GRIN2A: variants seen among roughly 807,000 people sequenced by gnomAD.
GRIN2A encodes glutamate receptor ionotropic, NMDA 2A.
In GRIN2A, 22 loss-of-function variants were observed where a neutral mutation model predicts 113.4. That is an observed-to-expected ratio of 0.19 (90% confidence interval 0.14 to 0.28). GRIN2A has a LOEUF of 0.28. GRIN2A is among the 10% of genes least tolerant of loss of function. GRIN2A has a pLI of 1.00. For synonymous variants in GRIN2A, 827 were observed against 738.4 expected, an observed-to-expected ratio of 1.12 and a Z score of -1.94; for missense variants, 1,502 against 1,887.0, an observed-to-expected ratio of 0.80 and a Z score of 3.78.
At chr16:10,107,278 T>C (rs1050509265) in intron 2 of GRIN2A, among the ~76,000 whole-genome samples, 3 of 152,094 alleles carry the variant, frequency 2.0e-5, no homozygotes, top group African/African-American at 4.8e-5. Flanking sequence ...GATATATCCA[T>C]GTAGGAAGAT....
intron 2 of GRIN2A, among the ~76,000 whole-genome samples, chr16:10,116,847 C>T (rs569884326): frequency 2.6e-5 from 4 of 152,200 alleles, no homozygotes; most frequent in African/African-American, 9.6e-5. Context: ...TTATTTATCC[C>T]CTGCCACTTC....
At chr16:9,829,833 T>G (rs1023762829) in intron 8 of GRIN2A, among the ~76,000 whole-genome samples, 181 bp from the exon 9 acceptor site, 5 of 152,176 alleles carry the variant, frequency 3.3e-5, no homozygotes, top group African/African-American at 1.2e-4. Flanking sequence ...AAAATTAGCA[T>G]TCTTCTCACA....
intron 2 of GRIN2A, among the ~76,000 whole-genome samples, chr16:10,004,196 C>A (rs1015165099): frequency 6.6e-6 from 1 of 152,142 alleles, no homozygotes; most frequent in African/African-American, 2.4e-5. Context: ...TGAGACCAGC[C>A]TGGCCAATAT....
chr16:9,906,387 C>T (rs1312839696), intron 3 of GRIN2A, among the ~76,000 whole-genome samples: 1 of 152,200 alleles, frequency 6.6e-6, no homozygotes, highest in African/African-American at 2.4e-5. Flanking sequence ...CTACACCTCC[C>T]TCCACTGGAA....
chr16:9,888,874 C>T (rs2043639002), intron 4 of GRIN2A, among the ~76,000 whole-genome samples: 1 of 151,932 alleles, frequency 6.6e-6, no homozygotes, highest in African/African-American at 2.4e-5. Flanking sequence ...CATATTTCCC[C>T]CTTTACTCTG....
At chr16:10,032,456 T>G (rs2046947554) in intron 2 of GRIN2A, among the ~76,000 whole-genome samples, 1 of 152,180 alleles carries the variant, frequency 6.6e-6, no homozygotes, top group African/African-American at 2.4e-5. Context: ...TGAGTTTCTT[T>G]TAGCGCCTTT....
In GRIN2A at chr16:10,026,501, A is replaced by G. The variant is rs2454869; in HGVS notation, c.415-87950T>C. On this transcript the variant is annotated intron_variant, in intron 2 of 12. Coordinates refer to ENST00000330684, the MANE Select transcript of GRIN2A (RefSeq NM_001134407.3). ...ATATCTCCAGGCCATTAGAGAGAGA[A>G]AAAAGAAAGTCCTTCCTAAATTTAA... 4.7e-3 allele frequency among the ~76,000 whole-genome samples: 696 copies of G among 147,340 alleles called. 1 individual carries two copies. The highest frequency in any genetic ancestry group is 8.1e-3 in the African/African-American group (314 of 38,730).
At position 9,799,875 on chromosome 16, in the gene GRIN2A, T is replaced by C. The variant is rs533720285; in HGVS notation, c.2169-1411A>G. Reference sequence around the variant, plus strand: ...CTTGAAATCACCATGCAGTTCAAAATGTGGAATGTTATCATTTCCTTAGAA... The same window carrying C: ...CTTGAAATCACCATGCAGTTCAAAACGTGGAATGTTATCATTTCCTTAGAA... On this transcript the variant is annotated intron_variant, in intron 10 of 12. Coordinates refer to ENST00000330684, the MANE Select transcript of GRIN2A (RefSeq NM_001134407.3). 3.9e-5 allele frequency among the ~76,000 whole-genome samples: 6 copies of C among 152,316 alleles called. No individual in the cohort carries two copies. In the East Asian group the frequency reaches 1.2e-3, roughly 29 times the overall value.
chr16:9,765,526 G>A (rs1567279755), intron 12 of GRIN2A, among the ~76,000 whole-genome samples: 1 of 152,220 alleles, frequency 6.6e-6, no homozygotes, highest in Admixed American at 6.5e-5. Flanking sequence ...AGGAAGGCAT[G>A]AAATTCATGT....
In GRIN2A at chr16:9,754,943, C is replaced by A. The variant is rs1900295759; in HGVS notation, c.*8206G>T. 9.2e-6 allele frequency: 2 copies of A among 216,794 alleles called. No individual in the cohort carries two copies. The highest frequency in any genetic ancestry group is 4.5e-5 in the African/African-American group (2 of 44,418). The allele number at this position is 216,794 out of a possible 1,614,324, so 13.4% of individuals were successfully genotyped here. ...AGACAAACTCATGTTTGCTGGAGAA[C>A]AATTAACCTCATTAATTTGAAAGGC... On this transcript the variant is annotated 3_prime_UTR_variant, in exon 13 of 13. Coordinates refer to ENST00000330684, the MANE Select transcript of GRIN2A (RefSeq NM_001134407.3).
intron 9 of GRIN2A, among the ~76,000 whole-genome samples, chr16:9,826,663 C>T (rs1261997679): frequency 6.6e-6 from 1 of 151,996 alleles, no homozygotes; most frequent in Non-Finnish European, 1.5e-5. Context: ...GTTATTTACT[C>T]CAGGAATTTT....
intron 2 of GRIN2A, among the ~76,000 whole-genome samples, chr16:10,030,608 C>T (rs2046910460): frequency 2.0e-5 from 3 of 152,206 alleles, no homozygotes; most frequent in Non-Finnish European, 4.4e-5. Context: ...ATGTTTTCTA[C>T]TGCATTCTCT....
chr16:10,173,517 C>T (rs911151943), intron 2 of GRIN2A, among the ~76,000 whole-genome samples: 4 of 152,160 alleles, frequency 2.6e-5, no homozygotes, highest in African/African-American at 9.7e-5. Context: ...ATTGAGGGAA[C>T]AAACACTGCA....
intron 3 of GRIN2A, among the ~76,000 whole-genome samples, chr16:9,915,764 T>A (rs765450361): frequency 1.3e-5 from 2 of 152,214 alleles, no homozygotes; most frequent in African/African-American, 2.4e-5. Flanking sequence ...GCTACTTATA[T>A]AAACTAGTTG....
chr16:10,164,291 C>T (rs2049863475), intron 2 of GRIN2A, among the ~76,000 whole-genome samples: 1 of 152,210 alleles, frequency 6.6e-6, no homozygotes, highest in Non-Finnish European at 1.5e-5. Context: ...GTAAGTGGCA[C>T]GGACACTCAG....
At position 10,028,724 on chromosome 16, in the gene GRIN2A, G is replaced by C. The variant is rs547220978; in HGVS notation, c.415-90173C>G. On this transcript the variant is annotated intron_variant, in intron 2 of 12. Transcript: ENST00000330684. ...AGAGGTCAGCAAACTTTTCTGTAAAGAGCTAGAGAGTAAATATTTTGAGCT... is the reference window on the plus strand; with the variant it reads ...AGAGGTCAGCAAACTTTTCTGTAAACAGCTAGAGAGTAAATATTTTGAGCT... 4.6e-5 allele frequency among the ~76,000 whole-genome samples: 7 copies of C among 152,316 alleles called. No homozygotes were observed. The East Asian group carries it at 1.4e-3, about 29-fold the overall frequency.
chr16:10,042,963 T>G (rs72772361), intron 2 of GRIN2A, among the ~76,000 whole-genome samples: 13,693 of 152,230 alleles, frequency 0.09, 702 homozygotes, highest in Non-Finnish European at 0.11. Flanking sequence ...ACTGAATCCA[T>G]CAGTCCCCAA....
intron 2 of GRIN2A, among the ~76,000 whole-genome samples, chr16:9,949,590 G>A (rs970174452): frequency 5.3e-5 from 8 of 151,678 alleles, no homozygotes; most frequent in African/African-American, 1.7e-4. Flanking sequence ...ATGGATAGAC[G>A]GACAGATGGA....
At chr16:9,902,264 A>G (rs1328753083) in intron 3 of GRIN2A, among the ~76,000 whole-genome samples, 1 of 152,178 alleles carries the variant, frequency 6.6e-6, no homozygotes. Flanking sequence ...TATGATATGC[A>G]TAACTTATAG....
Sources: gnomAD v4.1 joint callset for allele counts (sites outside exome capture counted in the v4.1 genomes callset) on GRCh38, gnomAD v4.1.1 for gene constraint, MANE v1.5 for transcripts, NCBI Gene and HGNC (gene_info 2026-07-23, HGNC 2026-07-21) for gene names.